Variants in LRMDA observed in about 807,000 individuals in gnomAD.
LRMDA encodes leucine rich melanocyte differentiation associated, also known as leucine-rich melanocyte differentiation-associated protein.
A neutral mutation model predicts 29.8 loss-of-function variants in LRMDA; 18 were observed. That is an observed-to-expected ratio of 0.60 (90% CI 0.42 to 0.90). The LOEUF (loss-of-function observed/expected upper bound fraction) is 0.90, where lower values mean the gene tolerates loss of function less well. Ranked by LOEUF, LRMDA falls within the 40% of genes least tolerant of loss-of-function variation. LRMDA has a pLI of 0.00. For missense variants in LRMDA, 273 were observed against 273.9 expected (o/e 1.00, Z 0.02); for synonymous variants, 125 against 109.4 (o/e 1.14, Z -0.89).
At chr10:75,997,195 G>A (rs910138810) in intron 2 of LRMDA, among the ~76,000 whole-genome samples, 3 of 151,954 alleles carry the variant, frequency 2.0e-5, no homozygotes, top group Non-Finnish European at 2.9e-5. Context: ...ATATCCCCCC[G>A]ACACACATAC....
At chr10:76,136,301 A>G (rs960287880) in intron 5 of LRMDA, among the ~76,000 whole-genome samples, 8 of 152,202 alleles carry the variant, frequency 5.3e-5, no homozygotes, top group African/African-American at 1.9e-4. Flanking sequence ...TGTGAATGGC[A>G]CTTTAGAGAG....
intron 6 of LRMDA, among the ~76,000 whole-genome samples, chr10:76,498,878 C>A (rs527300229): frequency 1.3e-5 from 1 of 74,368 alleles, no homozygotes; most frequent in African/African-American, 3.3e-5. Flanking sequence ...GGTTCTCCAG[C>A]GGACAAAAGA....
At chr10:76,502,929 T>C (rs1357467248) in intron 6 of LRMDA, among the ~76,000 whole-genome samples, 3 of 151,928 alleles carry the variant, frequency 2.0e-5, no homozygotes, top group Non-Finnish European at 2.9e-5. Context: ...CAATACTATT[T>C]TGAATAGGAG....
chr10:75,610,233 C>G (rs528554220), intron 2 of LRMDA, among the ~76,000 whole-genome samples: 1 of 152,284 alleles, frequency 6.6e-6, no homozygotes, highest in South Asian at 2.1e-4. Context: ...CCAGCTTTAT[C>G]ACTTTTAAGT....
intron 5 of LRMDA, among the ~76,000 whole-genome samples, chr10:76,186,713 A>G (rs1191002361): frequency 6.6e-6 from 1 of 152,162 alleles, no homozygotes; most frequent in Non-Finnish European, 1.5e-5. Flanking sequence ...GCTAGGTAGG[A>G]TACTAAGCCC....
At chr10:76,307,541 T>G (rs1291674040) in intron 5 of LRMDA, among the ~76,000 whole-genome samples, 1 of 152,086 alleles carries the variant, frequency 6.6e-6, no homozygotes, top group Non-Finnish European at 1.5e-5. Context: ...CCTTAATCAA[T>G]AGTGGTCTGA....
At chr10:75,557,607 C>G (rs1333733954) in intron 2 of LRMDA, among the ~76,000 whole-genome samples, 1 of 152,134 alleles carries the variant, frequency 6.6e-6, no homozygotes, top group Non-Finnish European at 1.5e-5. Flanking sequence ...TCTCCTGGCC[C>G]TGGTCCAACT....
At chr10:76,357,159 G>T (rs1189697527) in intron 6 of LRMDA, among the ~76,000 whole-genome samples, 1 of 152,130 alleles carries the variant, frequency 6.6e-6, no homozygotes, top group Non-Finnish European at 1.5e-5. Flanking sequence ...CTGAGGTGGG[G>T]GTGCGATCAG....
At chr10:75,457,428 G>T (rs1316567521) in intron 2 of LRMDA, among the ~76,000 whole-genome samples, 1 of 152,190 alleles carries the variant, frequency 6.6e-6, no homozygotes, top group African/African-American at 2.4e-5. Context: ...GTCTTTCAGG[G>T]AGGACAGCCA....
intron 2 of LRMDA, among the ~76,000 whole-genome samples, chr10:75,894,926 A>C (rs2091289696): frequency 6.6e-6 from 1 of 152,220 alleles, no homozygotes; most frequent in South Asian, 2.1e-4. Flanking sequence ...AAGTTAGGTA[A>C]TACTGTTTTC....
chr10:76,162,891 G>T (rs567008502), intron 5 of LRMDA, among the ~76,000 whole-genome samples: 1 of 152,204 alleles, frequency 6.6e-6, no homozygotes, highest in East Asian at 1.9e-4. Flanking sequence ...ATTTTTAAAA[G>T]AAAGGAATGA....
chr10:76,539,447 G>A (rs972098243), intron 6 of LRMDA, among the ~76,000 whole-genome samples: 1 of 152,064 alleles, frequency 6.6e-6, no homozygotes, highest in Non-Finnish European at 1.5e-5. Flanking sequence ...GGTTTCCCAG[G>A]GCAATAGCAC....
chr10:76,377,332 C>G (rs1166591224), intron 6 of LRMDA, among the ~76,000 whole-genome samples: 1 of 152,086 alleles, frequency 6.6e-6, no homozygotes, highest in Non-Finnish European at 1.5e-5. Context: ...CAGATATTTT[C>G]CTCCATTCTG....
chr10:75,821,940 C>T (rs1844169234), intron 2 of LRMDA, among the ~76,000 whole-genome samples: 1 of 152,110 alleles, frequency 6.6e-6, no homozygotes, highest in Non-Finnish European at 1.5e-5. Context: ...GACAAGGATG[C>T]CCACTGTCAC....
chr10:76,012,171 CT>C (rs1242313606), intron 2 of LRMDA, among the ~76,000 whole-genome samples: 7 of 152,204 alleles, frequency 4.6e-5, no homozygotes, highest in Non-Finnish European at 7.3e-5. Flanking sequence ...CATTGGGCTT[CT>C]GTTTACCGGT....
At chr10:76,071,852 A>G (rs2132069680) in intron 5 of LRMDA, among the ~76,000 whole-genome samples, 1 of 152,364 alleles carries the variant, frequency 6.6e-6, no homozygotes, top group Non-Finnish European at 1.5e-5. Flanking sequence ...GAATTTGACC[A>G]TGATTTAAAC....
intron 2 of LRMDA, among the ~76,000 whole-genome samples, chr10:75,467,936 G>C (rs965158299): frequency 2.1e-5 from 3 of 145,528 alleles, no homozygotes; most frequent in Non-Finnish European, 4.5e-5. Context: ...ACTCCAGCCT[G>C]GTGACAGAGT....
chr10:76,099,541 G>A (rs1469395148), intron 5 of LRMDA, among the ~76,000 whole-genome samples: 1 of 152,072 alleles, frequency 6.6e-6, no homozygotes, highest in Non-Finnish European at 1.5e-5. Flanking sequence ...GCATTTTAGT[G>A]CTATAAATTT....
intron 2 of LRMDA, among the ~76,000 whole-genome samples, chr10:75,529,059 C>T: frequency 6.6e-6 from 1 of 151,984 alleles, no homozygotes; most frequent in Non-Finnish European, 1.5e-5. Context: ...AATTGAAGTT[C>T]TAGAGTAAAA....
Sources: allele counts gnomAD v4.1 joint callset (sites outside exome capture counted in the v4.1 genomes callset), GRCh38; gene constraint gnomAD v4.1.1; transcripts MANE v1.5; gene names NCBI Gene and HGNC (gene_info 2026-07-23, HGNC 2026-07-21).